RBM19: variants seen among roughly 807,000 people sequenced by gnomAD.
RBM19 encodes RNA binding motif protein 19.
Under a neutral mutation model 116.8 loss-of-function variants are expected in RBM19, and 94 were observed. That is an observed-to-expected ratio of 0.80 (90% CI 0.68 to 0.95). The LOEUF is 0.95. RBM19 is among the 40% of genes least tolerant of loss of function. RBM19 has a pLI of 0.00. For missense variants in RBM19, 1,161 were observed against 1,220.7 expected, an observed-to-expected ratio of 0.95 and a Z score of 0.73; for synonymous variants, 475 against 494.1, an observed-to-expected ratio of 0.96 and a Z score of 0.51.
chr12:113,915,745 G>C (rs560996670), intron 20 of RBM19, among the ~76,000 whole-genome samples: 1 of 152,352 alleles, frequency 6.6e-6, no homozygotes, highest in South Asian at 2.1e-4. Flanking sequence ...TTCTTCCACT[G>C]TAGAATGGGT....
intron 21 of RBM19, among the ~76,000 whole-genome samples, chr12:113,881,033 T>C (rs976812421): frequency 2.0e-5 from 3 of 152,332 alleles, no homozygotes; most frequent in South Asian, 4.1e-4. Context: ...CATCACATCC[T>C]GAACACCATC....
intron 13 of RBM19, among the ~76,000 whole-genome samples, chr12:113,944,170 G>C (rs1385095825): frequency 6.9e-6 from 1 of 144,222 alleles, no homozygotes; most frequent in East Asian, 2.1e-4. Context: ...CATGATCTCG[G>C]CTCATTGCAA....
chr12:113,836,920 TACACAC>T (rs149463680), intron 23 of RBM19, among the ~76,000 whole-genome samples: 127 of 8,554 alleles, frequency 0.015, 12 homozygotes, highest in African/African-American at 0.067. Flanking sequence ...CCCCCCCACA[TACACAC>T]ACACACACAC....
intron 15 of RBM19, among the ~76,000 whole-genome samples, chr12:113,939,545 C>T (rs1033517844): frequency 2.9e-5 from 4 of 138,216 alleles, no homozygotes; most frequent in South Asian, 4.6e-4. Context: ...GTCAGGAGAT[C>T]GAGACCATCC....
intron 21 of RBM19, among the ~76,000 whole-genome samples, chr12:113,893,276 T>A (rs1182318171): frequency 6.6e-6 from 1 of 152,016 alleles, no homozygotes; most frequent in Non-Finnish European, 1.5e-5. Flanking sequence ...CTCCCAAAGT[T>A]CTGGGATTAC....
intron 21 of RBM19, among the ~76,000 whole-genome samples, chr12:113,860,675 C>T (rs1362591636): frequency 1.3e-5 from 2 of 152,210 alleles, no homozygotes; most frequent in Non-Finnish European, 1.5e-5. Flanking sequence ...GCACTAGCCC[C>T]GAGATGTCTT....
At chr12:113,862,177 C>T (rs1270820205) in intron 21 of RBM19, among the ~76,000 whole-genome samples, 1 of 152,206 alleles carries the variant, frequency 6.6e-6, no homozygotes, top group African/African-American at 2.4e-5. Flanking sequence ...TTTCCGCTAC[C>T]AATGAGTGCC....
intron 21 of RBM19, among the ~76,000 whole-genome samples, chr12:113,882,557 C>T (rs1422975293): frequency 6.6e-6 from 1 of 152,242 alleles, no homozygotes; most frequent in East Asian, 1.9e-4. Flanking sequence ...ACAGCCTGCT[C>T]AGTACTGAAA....
chr12:113,843,205 C>T (rs191105004), intron 23 of RBM19, among the ~76,000 whole-genome samples: 1 of 152,306 alleles, frequency 6.6e-6, no homozygotes, highest in Admixed American at 6.5e-5. Flanking sequence ...ACCGGTCAGG[C>T]GAGGGAATAA....
At chr12:113,956,392 A>G (rs1871940664) in intron 6 of RBM19, among the ~76,000 whole-genome samples, 2 of 151,768 alleles carry the variant, frequency 1.3e-5, no homozygotes, top group East Asian at 1.9e-4. Flanking sequence ...ATCAGCCTGG[A>G]CAATATGGTG....
rs142250775 is a variant in RBM19, at chr12:113,935,974, T to C, written c.2068+1033A>G. Among the ~76,000 whole-genome samples the C allele has an allele frequency of 5.9e-5, 9 of 152,058 alleles. No individual in the cohort carries two copies. In the South Asian group the frequency reaches 1.0e-3, roughly 18 times the overall value. ...TTGCTTCAACCCAGGAGGCAGAGGT[T>C]GCAGTGAGCCAAGATCGCGCACTCC... On this transcript the variant is annotated intron_variant, in intron 16 of 23. Transcript: ENST00000261741.
At chr12:113,965,640 G>A (rs553909353) in intron 1 of RBM19, among the ~76,000 whole-genome samples, 1 of 152,280 alleles carries the variant, frequency 6.6e-6, no homozygotes, top group South Asian at 2.1e-4. Context: ...CCACGTGTCG[G>A]GTTCTGCGCT....
chr12:113,911,306 ACT>A (rs1188723329), intron 21 of RBM19, among the ~76,000 whole-genome samples: 1 of 152,034 alleles, frequency 6.6e-6, no homozygotes, highest in Non-Finnish European at 1.5e-5. Flanking sequence ...GTCCTTCCTG[ACT>A]CTCTACCCCA....
rs1273051108 is a variant in RBM19 at position 113,825,078 on chromosome 12, CTTT to C, written c.2786-1760_2786-1758del. Among the ~76,000 whole-genome samples the C allele has an allele frequency of 6.6e-6, 1 of 152,198 alleles. No homozygotes were observed. The highest frequency in any genetic ancestry group is 6.5e-5 in the Admixed American group (1 of 15,280). On this transcript the variant is annotated intron_variant, in intron 23 of 23. Coordinates refer to ENST00000261741, the MANE Select transcript of RBM19 (RefSeq NM_016196.4). The surrounding 1 kb of genome is among the most constrained non-coding windows in gnomAD (Gnocchi z 5.7). ...ATTACCCACACTGCCGCAGGCCTTTCTTTGTGTGGGATGTTGTCTCACTCACTG... is the reference window on the plus strand; with the variant it reads ...ATTACCCACACTGCCGCAGGCCTTTCGTGTGGGATGTTGTCTCACTCACTG...
At chr12:113,962,195 T>C in intron 2 of RBM19, 37 bp downstream of exon 2, 3 of 1,606,882 alleles carry the variant, frequency 1.9e-6, no homozygotes, top group Non-Finnish European at 2.6e-6. Flanking sequence ...ACGTCACACT[T>C]GACAGGAAGG....
chr12:113,843,559 G>A (rs965395454), intron 23 of RBM19, among the ~76,000 whole-genome samples: 1 of 152,234 alleles, frequency 6.6e-6, no homozygotes, highest in African/African-American at 2.4e-5. Context: ...CAAGTAAGCG[G>A]GATCCAAAGT....
At chr12:113,901,861 A>T (rs747583417) in intron 21 of RBM19, among the ~76,000 whole-genome samples, 14 of 152,288 alleles carry the variant, frequency 9.2e-5, no homozygotes, top group Non-Finnish European at 1.9e-4. Context: ...TAACCTTGAC[A>T]TCACTTGCTT....
At chr12:113,891,591 T>G (rs1271089102) in intron 21 of RBM19, among the ~76,000 whole-genome samples, 2 of 152,194 alleles carry the variant, frequency 1.3e-5, no homozygotes, top group Non-Finnish European at 2.9e-5. Context: ...GAGGATATAG[T>G]AAGTCTCTGA....
Position 113,945,193 on chromosome 12 carries a change from T to C in RBM19, c.1626+635A>G, listed in dbSNP as rs1870911692. On this transcript the variant is annotated intron_variant, in intron 13 of 23. Coordinates refer to ENST00000261741, the MANE Select transcript of RBM19 (RefSeq NM_016196.4). Reference sequence around the variant, plus strand: ...CTGGCCTATGGTAAGCATTTCACTATCTATATGTCTATCAAAACATCATGT... The same window carrying C: ...CTGGCCTATGGTAAGCATTTCACTACCTATATGTCTATCAAAACATCATGT... Among the ~76,000 whole-genome samples the C allele has an allele frequency of 1.3e-5, 2 of 152,206 alleles. 1 individual carries two copies. Among genetic ancestry groups the C allele is most frequent in the South Asian group, 4.1e-4 (2 of 4,834 alleles).
Sources: allele counts gnomAD v4.1 joint callset (sites outside exome capture counted in the v4.1 genomes callset), GRCh38; gene constraint gnomAD v4.1.1; non-coding constraint Gnocchi (gnomAD v3.1); transcripts MANE v1.5; gene names NCBI Gene and HGNC (gene_info 2026-07-23, HGNC 2026-07-21).